RFT1: variants seen among roughly 807,000 people sequenced by gnomAD.
RFT1 encodes the protein RFT1 glycolipid translocator homolog.
Under a neutral mutation model 62.2 loss-of-function variants are expected in RFT1, and 43 were observed. The observed-to-expected ratio is 0.69, with a 90% CI of 0.54 to 0.89. The LOEUF (loss-of-function observed/expected upper bound fraction) is 0.89. RFT1 is among the 40% of genes least tolerant of loss of function. RFT1 has a pLI of 0.00. For missense variants in RFT1, 605 were observed against 649.9 expected, an observed-to-expected ratio of 0.93 and a Z score of 0.75; for synonymous variants, 262 against 264.6, an observed-to-expected ratio of 0.99 and a Z score of 0.10.
At chr3:53,127,604 A>T (rs2107176881) in intron 1 of RFT1, among the ~76,000 whole-genome samples, 1 of 151,268 alleles carries the variant, frequency 6.6e-6, no homozygotes, top group Non-Finnish European at 1.5e-5. Context: ...CGGGAGGCTG[A>T]GGCAGGAGAA....
Position 53,121,794 on chromosome 3 carries a change from C to T in RFT1, c.463G>A (p.Ala155Thr), listed in dbSNP as rs1297637769. The T allele has an allele frequency of 6.2e-7, 1 of 1,612,236 alleles. No homozygotes were observed. The highest frequency in any genetic ancestry group is 1.3e-5 in the African/African-American group (1 of 74,870). Residue 155 changes from alanine to threonine, a missense_variant, in exon 5 of 13, where the codon GCA becomes ACA. Physicochemically the swap from Ala to Thr is moderately conservative, Grantham distance 58. Coordinates refer to ENST00000296292, the MANE Select transcript of RFT1 (RefSeq NM_052859.4). ...TTAAGAATTACCGACAGGCTCTCTG[C>T]AATCACCTGCAAACATGTGGTTAAG... ...AHMFVKLKVIAESLSVILKSV... is the reference protein window; with the variant it reads ...AHMFVKLKVITESLSVILKSV...
At chr3:53,081,670 C>G in the RFT1 span, among the ~76,000 whole-genome samples, 1 of 152,176 alleles carries the variant, frequency 6.6e-6, no homozygotes, top group Non-Finnish European at 1.5e-5. Flanking sequence ...CCTTCCCACT[C>G]CTTGGTGGTG....
intron 1 of RFT1, among the ~76,000 whole-genome samples, chr3:53,129,432 G>T (rs1057342580): frequency 3.9e-5 from 6 of 152,060 alleles, no homozygotes; most frequent in African/African-American, 1.4e-4. Context: ...CAAGTGACAA[G>T]GCCCAAACTC....
intron 5 of RFT1, among the ~76,000 whole-genome samples, chr3:53,120,306 C>T (rs917421289): frequency 2.0e-4 from 30 of 152,216 alleles, no homozygotes; most frequent in African/African-American, 7.0e-4. Flanking sequence ...TTACCACAGC[C>T]ATGTCTGATA....
chr3:53,130,373 C>T lies in RFT1; in HGVS notation c.28G>A (p.Ala10Thr). Reference protein sequence around the residue: MGSQEVLGHAARLASSGLLL... With the variant: MGSQEVLGHTARLASSGLLL... ...AGACCGGAGGAGGCCAGCCGGGCCGCGTGGCCCAGCACCTCCTGGCTGCCC... is the reference window on the plus strand; with the variant it reads ...AGACCGGAGGAGGCCAGCCGGGCCGTGTGGCCCAGCACCTCCTGGCTGCCC... Residue 10 changes from alanine (A) to threonine (T), a missense_variant, in exon 1 of 13, where the codon GCG (alanine) becomes ACG (threonine). Coordinates refer to ENST00000296292, the MANE Select transcript of RFT1 (RefSeq NM_052859.4). 6.4e-7 allele frequency: 1 copy of T among 1,563,516 alleles called. No homozygotes were observed. Among genetic ancestry groups the T allele is most frequent in the East Asian group, 2.4e-5 (1 of 41,874 alleles).
chr3:53,081,687 A>G, the RFT1 span, among the ~76,000 whole-genome samples: 2 of 152,342 alleles, frequency 1.3e-5, no homozygotes, highest in African/African-American at 4.8e-5. Flanking sequence ...GGTGCTGCCC[A>G]GGGTCAAAGC....
chr3:53,124,138 A>G (rs1342688569), intron 2 of RFT1, among the ~76,000 whole-genome samples: 5 of 152,210 alleles, frequency 3.3e-5, no homozygotes, highest in African/African-American at 1.2e-4. Context: ...TGTGGCCATG[A>G]CCATAAGGAG....
rs1701855042 is a variant in RFT1, at chr3:53,117,995, C to T, written c.696+1889G>A. Among the ~76,000 whole-genome samples the T allele has an allele frequency of 2.0e-5, 3 of 152,118 alleles. No homozygotes were observed. In the South Asian group the frequency reaches 6.2e-4, roughly 31 times the overall value. The stretch of plus-strand genomic sequence containing the variant: ...GCAGCCTTGACCTGTGCTCAAGCGA[C>T]CCTCCCACCTCAGCCTCCTGAGTAG... On this transcript the variant is annotated intron_variant, in intron 6 of 12. Transcript: ENST00000296292.
Position 53,091,805 on chromosome 3 carries a change from T to A in RFT1, c.*98A>T. The A allele has an allele frequency of 7.5e-7, 1 of 1,332,104 alleles. No homozygotes were observed. 82.5% of individuals were successfully genotyped at this position (1,332,104 alleles called of 1,614,324 possible). A position where few individuals can be genotyped will look rare whatever the true frequency, so the allele number is the denominator to read the frequency against. On this transcript the variant is annotated 3_prime_UTR_variant, in exon 13 of 13. Transcript: ENST00000296292. Reference sequence around the variant, plus strand: ...ATCTCTGGGGTTGCTGTCACTCCGCTGCAGAGCCCTCAGTGGGGCTCTTAC... The same window carrying A: ...ATCTCTGGGGTTGCTGTCACTCCGCAGCAGAGCCCTCAGTGGGGCTCTTAC...
chr3:53,104,970 C>T (rs1302749700), intron 9 of RFT1, among the ~76,000 whole-genome samples: 2 of 152,208 alleles, frequency 1.3e-5, no homozygotes, highest in East Asian at 3.9e-4. Context: ...CTCCCTATGC[C>T]CTTGATTAGC....
the RFT1 span, among the ~76,000 whole-genome samples, chr3:53,075,060 G>T: frequency 1.3e-5 from 2 of 152,008 alleles, no homozygotes; most frequent in Non-Finnish European, 2.9e-5. Flanking sequence ...TGAGAACAAG[G>T]CCCCTTGCCC....
At chr3:53,113,415 G>A (rs972966434) in intron 6 of RFT1, among the ~76,000 whole-genome samples, 1 of 152,194 alleles carries the variant, frequency 6.6e-6, no homozygotes, top group African/African-American at 2.4e-5. Flanking sequence ...CTTTTTGGGA[G>A]GGGAGGGCTG....
chr3:53,107,187 G>C (rs573694220), intron 7 of RFT1, among the ~76,000 whole-genome samples: 1 of 149,354 alleles, frequency 6.7e-6, no homozygotes, highest in East Asian at 2.0e-4. Flanking sequence ...CCAGGCTGGA[G>C]TACAGTGGCA....
chr3:53,106,670 A>C (rs564178786), intron 8 of RFT1, 149 bp downstream of exon 8: 1 of 690,236 alleles, frequency 1.4e-6, no homozygotes, highest in East Asian at 2.8e-5. Flanking sequence ...TGGAGGGCAT[A>C]GTCAGTACAA....
intron 1 of RFT1, among the ~76,000 whole-genome samples, chr3:53,126,359 T>C (rs1188864685): frequency 6.6e-6 from 1 of 152,082 alleles, no homozygotes; most frequent in Non-Finnish European, 1.5e-5. Context: ...CTGGCCACAC[T>C]CCCCCACCCC....
At chr3:53,107,812 G>A (rs944394816) in intron 7 of RFT1, among the ~76,000 whole-genome samples, 9 of 152,252 alleles carry the variant, frequency 5.9e-5, no homozygotes, top group Non-Finnish European at 8.8e-5. Flanking sequence ...CAGTGCCCAC[G>A]CCCTGAAGGG....
chr3:53,087,746 C>A (rs1242602531), downstream of RFT1, among the ~76,000 whole-genome samples: 1 of 152,192 alleles, frequency 6.6e-6, no homozygotes, highest in Non-Finnish European at 1.5e-5. Flanking sequence ...GTCTCAAAAT[C>A]CCGGGCTCAA....
Position 53,103,019 on chromosome 3 carries a change from C to T in RFT1, c.1102+934G>A, listed in dbSNP as rs552389865. ...CCCACAGCTGCCAGATGGAAATACA[C>T]TTCTCACAGCACAAGCCCCAGGGAG... On this transcript the variant is annotated intron_variant, in intron 10 of 12. Transcript: ENST00000296292. The T allele has an allele frequency of 3.4e-5, 27 of 805,388 alleles. No homozygotes were observed. In the South Asian group the frequency reaches 1.4e-3, roughly 41 times the overall value. 49.9% of individuals were successfully genotyped at this position (805,388 alleles called of 1,614,324 possible).
chr3:53,122,525 C>T lies in RFT1; in HGVS notation c.305G>A (p.Trp102Ter), dbSNP rs1701999308. ...LGVFWSLFLG[W>*]IWLQLLEVPD... Reference sequence around the variant, plus strand: ...CACTTCAAGCAGCTGCAACCAGATCCAGCCCAGGAATAAGGACCAAAACAC... The same window carrying T: ...CACTTCAAGCAGCTGCAACCAGATCTAGCCCAGGAATAAGGACCAAAACAC... Residue 102 changes from tryptophan to a stop codon, truncating the protein, a stop_gained, in exon 4 of 13, where the codon TGG becomes TAG. Coordinates refer to ENST00000296292, the MANE Select transcript of RFT1 (RefSeq NM_052859.4). LOFTEE classifies it high-confidence loss of function. 6.2e-7 allele frequency: 1 copy of T among 1,613,480 alleles called. No individual in the cohort carries two copies. Among genetic ancestry groups the T allele is most frequent in the Non-Finnish European group, 8.5e-7 (1 of 1,179,744 alleles).
Sources: allele counts gnomAD v4.1 joint callset (sites outside exome capture counted in the v4.1 genomes callset), GRCh38; gene constraint gnomAD v4.1.1; transcripts MANE v1.5; gene names NCBI Gene and HGNC (gene_info 2026-07-23, HGNC 2026-07-21).